PDSS2: variants seen among roughly 807,000 people sequenced by gnomAD.
PDSS2 encodes decaprenyl diphosphate synthase subunit 2, also known as all trans-polyprenyl-diphosphate synthase PDSS2.
A neutral mutation model predicts 44.5 loss-of-function variants in PDSS2; 31 were observed. The ratio of observed to expected loss-of-function variants is 0.70; its 90% CI spans 0.52 to 0.94. The LOEUF (loss-of-function observed/expected upper bound fraction) is 0.94. Ranked by LOEUF, PDSS2 falls within the 40% of genes least tolerant of loss-of-function variation. PDSS2 has a pLI of 0.00. For synonymous variants in PDSS2, 157 were observed against 180.3 expected (o/e 0.87, Z 1.03); for missense variants, 452 against 482.2 (o/e 0.94, Z 0.59).
In PDSS2 at chr6:107,245,584, C is replaced by T; in HGVS notation, c.666G>A (p.Leu222=). The change falls in exon 4 of 8, where the codon TTG becomes TTA. Residue 222 remains leucine (L), a synonymous_variant. Transcript: ENST00000369037. The part of the protein sequence containing the change: ...VELLASALMD[L]VQGVYHENST... ...AATTTTCATGATATACTCCTTGTAC[C>T]AAGTCCATAAGAGCACTTGCTAAAA... 1 of 1,595,440 alleles carries T rather than the reference C, an allele frequency of 6.3e-7. No individual in the cohort carries two copies. Among genetic ancestry groups the T allele is most frequent in the Non-Finnish European group, 8.6e-7 (1 of 1,167,178 alleles).
At chr6:107,273,878 T>G (rs1775683984) in intron 3 of PDSS2, 151 bp downstream of exon 3, 4 of 687,394 alleles carry the variant, frequency 5.8e-6, no homozygotes, top group South Asian at 1.6e-5. Context: ...GTACTAACAC[T>G]GCCATCATTA....
intron 1 of PDSS2, among the ~76,000 whole-genome samples, chr6:107,395,101 C>T (rs1779900214): frequency 6.6e-6 from 1 of 152,050 alleles, no homozygotes; most frequent in Admixed American, 6.6e-5. Flanking sequence ...CCTCTCAACA[C>T]TTTAAAGATG....
intron 7 of PDSS2, among the ~76,000 whole-genome samples, chr6:107,163,872 G>A (rs1252255891): frequency 6.6e-6 from 1 of 152,158 alleles, no homozygotes; most frequent in East Asian, 1.9e-4. Context: ...CAAAGTGCTG[G>A]GATCACAGGT....
chr6:107,259,946 T>G (rs1775158793), intron 3 of PDSS2, among the ~76,000 whole-genome samples: 1 of 152,230 alleles, frequency 6.6e-6, no homozygotes. Flanking sequence ...AAGACTTGAT[T>G]TGCAATATAG....
chr6:107,411,165 C>T (rs1402383563), intron 1 of PDSS2, among the ~76,000 whole-genome samples: 4 of 152,166 alleles, frequency 2.6e-5, no homozygotes, highest in Admixed American at 1.3e-4. Context: ...GGATTACAGG[C>T]GTGAGCCACT....
intron 6 of PDSS2, among the ~76,000 whole-genome samples, chr6:107,195,201 C>G (rs1424677653): frequency 6.6e-6 from 1 of 151,976 alleles, no homozygotes; most frequent in Non-Finnish European, 1.5e-5. Flanking sequence ...GGTCCTAAAG[C>G]TGGGCACAGT....
intron 7 of PDSS2, among the ~76,000 whole-genome samples, chr6:107,184,845 T>C (rs1020959846): frequency 6.7e-6 from 1 of 148,500 alleles, no homozygotes; most frequent in Non-Finnish European, 1.5e-5. Flanking sequence ...TTTTTTTTTT[T>C]ACCAAGTGCT....
intron 1 of PDSS2, among the ~76,000 whole-genome samples, chr6:107,375,081 ACAT>A (rs1050667674): frequency 3.3e-5 from 5 of 152,052 alleles, no homozygotes; most frequent in Non-Finnish European, 7.4e-5. Context: ...AATAATCAAA[ACAT>A]CAAAATTTCA....
intron 1 of PDSS2, among the ~76,000 whole-genome samples, chr6:107,440,041 A>G (rs1293001631): frequency 6.6e-6 from 1 of 152,102 alleles, no homozygotes; most frequent in Admixed American, 6.6e-5. Context: ...GACAGTGGCT[A>G]TACATGTGCT....
chr6:107,227,276 CCCTTTTTTTTTTTTTT>C (rs976865153), intron 4 of PDSS2, among the ~76,000 whole-genome samples: 2 of 74,632 alleles, frequency 2.7e-5, no homozygotes, highest in African/African-American at 1.1e-4. Flanking sequence ...AGCCACTGTG[CCCTTTTTTTTTTTTTT>C]TTTTTTTTTT....
chr6:107,342,776 A>C (rs1778120527), intron 1 of PDSS2, among the ~76,000 whole-genome samples: 1 of 152,176 alleles, frequency 6.6e-6, no homozygotes, highest in Non-Finnish European at 1.5e-5. Context: ...AAATTCTATC[A>C]GCAATCCAAA....
Position 107,154,431 on chromosome 6 carries a change from A to AC in PDSS2, c.*187dup. 1.7e-6 allele frequency: 1 copy of AC among 595,584 alleles called. No homozygotes were observed. Among genetic ancestry groups the AC allele is most frequent in the South Asian group, 2.0e-5 (1 of 50,746 alleles). 36.9% of individuals were successfully genotyped at this position (595,584 alleles called of 1,614,324 possible). A position where few individuals can be genotyped will look rare whatever the true frequency, so the allele number is the denominator to read the frequency against. On this transcript the variant is annotated 3_prime_UTR_variant, in exon 8 of 8. Coordinates refer to ENST00000369037, the MANE Select transcript of PDSS2 (RefSeq NM_020381.4). Reference sequence around the variant, plus strand: ...TGGCGTGACAAGTGAAAACTGCTTGACCTTTTTTTCTTCTAATTTTGTTTG... The same window carrying AC: ...TGGCGTGACAAGTGAAAACTGCTTGACCCTTTTTTTCTTCTAATTTTGTTTG...
At chr6:107,216,797 G>A (rs1773427538) in intron 4 of PDSS2, among the ~76,000 whole-genome samples, 1 of 152,120 alleles carries the variant, frequency 6.6e-6, no homozygotes. Flanking sequence ...GGGAGGGGTG[G>A]AGAGGGACAG....
chr6:107,364,441 G>A lies in PDSS2; in HGVS notation c.297-30109C>T, dbSNP rs547940053. Among the ~76,000 whole-genome samples the A allele has an allele frequency of 4.1e-3, 609 of 148,858 alleles. 1 individual carries two copies. The highest frequency in any genetic ancestry group is 8.5e-3 in the East Asian group (44 of 5,160). ...AAATCGAGCACAGCGCCAGTGGGCC[G>A]GCACTGCTGGGGGACTCAGTACACC... On this transcript the variant is annotated intron_variant, in intron 1 of 7. Transcript: ENST00000369037.
chr6:107,390,796 T>A (rs1200297209), intron 1 of PDSS2, among the ~76,000 whole-genome samples: 2 of 152,108 alleles, frequency 1.3e-5, no homozygotes, highest in African/African-American at 4.8e-5. Context: ...AGAAAATAGA[T>A]ATAAGCCAGA....
intron 1 of PDSS2, among the ~76,000 whole-genome samples, chr6:107,384,254 T>A (rs1779539797): frequency 6.6e-6 from 1 of 152,128 alleles, no homozygotes; most frequent in Non-Finnish European, 1.5e-5. Flanking sequence ...GTGGTGATAA[T>A]TAACAGGTAC....
chr6:107,267,639 AC>A lies in PDSS2; in HGVS notation c.630+6389del, dbSNP rs1775455270. ...GGGCTCTATTGCCCAGGCTAGAGAA[AC>A]AGTGGTGCATTCATAGCTCAATGCA... On this transcript the variant is annotated intron_variant, in intron 3 of 7. Transcript: ENST00000369037. Among the ~76,000 whole-genome samples, 10 of 151,268 alleles carry A rather than the reference AC, an allele frequency of 6.6e-5. No homozygotes were observed. In the South Asian group the frequency reaches 2.1e-3, roughly 32 times the overall value.
At chr6:107,288,878 C>A (rs1449246595) in intron 2 of PDSS2, among the ~76,000 whole-genome samples, 2 of 149,890 alleles carry the variant, frequency 1.3e-5, no homozygotes, top group African/African-American at 2.5e-5. Context: ...TCTGCCTCAG[C>A]CTCCCGAGTA....
chr6:107,179,357 T>C (rs1771895810), intron 7 of PDSS2, among the ~76,000 whole-genome samples: 1 of 152,086 alleles, frequency 6.6e-6, no homozygotes, highest in East Asian at 1.9e-4. Flanking sequence ...CTCAGCTCAC[T>C]GCTGCCTCTG....
Sources: allele counts gnomAD v4.1 joint callset (sites outside exome capture counted in the v4.1 genomes callset), GRCh38; gene constraint gnomAD v4.1.1; transcripts MANE v1.5; gene names NCBI Gene and HGNC (gene_info 2026-07-23, HGNC 2026-07-21).